KIAA1671: variants seen among roughly 807,000 people sequenced by gnomAD.
KIAA1671 encodes uncharacterized protein KIAA1671.
Under a neutral mutation model 131.2 loss-of-function variants are expected in KIAA1671, and 52 were observed. The observed-to-expected ratio is 0.40, with a 90% CI of 0.32 to 0.50. KIAA1671 has a LOEUF of 0.50. KIAA1671 is among the 20% of genes least tolerant of loss of function. The probability of loss-of-function intolerance (pLI) is 0.73; values close to 1 mark genes in which losing one functional copy is unlikely to be tolerated. For missense variants in KIAA1671, 2,360 were observed against 2,364.2 expected (o/e 1.00, Z 0.04); for synonymous variants, 1,003 against 961.6 (o/e 1.04, Z -0.80).
At position 25,000,435 on chromosome 22, in the gene KIAA1671, C is replaced by T. The variant is rs1196793271; in HGVS notation, c.-207-25198C>T. Among the ~76,000 whole-genome samples, 9 of 102,156 alleles carry T rather than the reference C, an allele frequency of 8.8e-5. 1 individual carries two copies. In the East Asian group the frequency reaches 9.9e-4, roughly 11 times the overall value. The allele number at this position is 102,156 out of a possible 152,430, so 67.0% of individuals were successfully genotyped here. ...GTCTCGATCTCCTGACCTCGTGATC[C>T]GCCCGCCTCGGCCTCCCAAAGTGCT... On this transcript the variant is annotated intron_variant, in intron 1 of 12. Transcript: ENST00000358431.
intron 6 of KIAA1671, chr22:25,059,336 G>C (rs1259367131): frequency 6.6e-6 from 1 of 152,088 alleles, no homozygotes; most frequent in Non-Finnish European, 1.5e-5. Flanking sequence ...GTGTAGTGGT[G>C]GGTGCCTGTA....
chr22:25,181,302 C>A (rs1205593122), intron 9 of KIAA1671, among the ~76,000 whole-genome samples: 1 of 152,216 alleles, frequency 6.6e-6, no homozygotes, highest in African/African-American at 2.4e-5. Context: ...TTCCACAAGA[C>A]ACATGAAGCT....
At chr22:25,029,725 C>T (rs1262557890) in intron 3 of KIAA1671, among the ~76,000 whole-genome samples, 185 bp downstream of exon 3, 1 of 152,266 alleles carries the variant, frequency 6.6e-6, no homozygotes, top group Non-Finnish European at 1.5e-5. Context: ...GTGCAGCTCT[C>T]CTCTGGGTAT....
At chr22:25,120,191 G>A (rs552138432) in intron 6 of KIAA1671, among the ~76,000 whole-genome samples, 3 of 152,278 alleles carry the variant, frequency 2.0e-5, no homozygotes, top group South Asian at 2.1e-4. Flanking sequence ...CACCTGCTAC[G>A]TCATGTCTAG....
At chr22:25,020,965 A>G (rs1925635907) in intron 1 of KIAA1671, among the ~76,000 whole-genome samples, 2 of 152,150 alleles carry the variant, frequency 1.3e-5, no homozygotes, top group Admixed American at 6.5e-5. Flanking sequence ...AAGCAGGGGA[A>G]TGACATCCTG....
intron 1 of KIAA1671, among the ~76,000 whole-genome samples, chr22:25,022,378 C>G (rs909529086): frequency 3.3e-5 from 5 of 152,218 alleles, no homozygotes; most frequent in Non-Finnish European, 7.3e-5. Flanking sequence ...CTTCCCTTCT[C>G]TCTTGTGAGG....
chr22:25,032,968 T>G (rs1479036753), intron 4 of KIAA1671, among the ~76,000 whole-genome samples: 1 of 152,226 alleles, frequency 6.6e-6, no homozygotes, highest in African/African-American at 2.4e-5. Context: ...CTTTCTTATA[T>G]AGGAGTGCCT....
intron 8 of KIAA1671, chr22:25,175,276 A>G (rs924427711): frequency 1.3e-5 from 2 of 152,212 alleles, no homozygotes; most frequent in African/African-American, 4.8e-5. Flanking sequence ...TGGGGGATGG[A>G]ACATCTGCAA....
chr22:25,036,362 G>T (rs915186308), intron 4 of KIAA1671, among the ~76,000 whole-genome samples: 459 of 152,068 alleles, frequency 3.0e-3, no homozygotes, highest in African/African-American at 0.01. Flanking sequence ...TTGCAGGCAT[G>T]AGCTACCGTA....
chr22:25,120,597 G>A (rs1931884798), intron 6 of KIAA1671, among the ~76,000 whole-genome samples: 1 of 152,146 alleles, frequency 6.6e-6, no homozygotes, highest in Non-Finnish European at 1.5e-5. Context: ...AATACGGTGT[G>A]CTCAATGTAT....
intron 2 of KIAA1671, among the ~76,000 whole-genome samples, chr22:25,026,667 T>G (rs1308149067): frequency 6.6e-6 from 1 of 151,948 alleles, no homozygotes; most frequent in East Asian, 1.9e-4. Context: ...GAGGCAGAAG[T>G]TGCTGTGAGC....
chr22:25,002,719 T>G (rs1193662461), intron 1 of KIAA1671, among the ~76,000 whole-genome samples: 4 of 152,026 alleles, frequency 2.6e-5, no homozygotes, highest in Admixed American at 6.6e-5. Context: ...GAGAAACACT[T>G]GGATGCTGTG....
intron 6 of KIAA1671, among the ~76,000 whole-genome samples, chr22:25,141,675 T>C (rs1415906887): frequency 6.6e-6 from 1 of 152,202 alleles, no homozygotes; most frequent in African/African-American, 2.4e-5. Flanking sequence ...ATATCTCTTT[T>C]CTAACTACCC....
rs983462375 is a variant in KIAA1671, at chr22:25,035,923, A to G, written c.1630-2837A>G. Among the ~76,000 whole-genome samples the G allele has an allele frequency of 3.3e-5, 5 of 152,294 alleles. No homozygotes were observed. In the South Asian group the frequency reaches 1.0e-3, roughly 32 times the overall value. On this transcript the variant is annotated intron_variant, in intron 4 of 12. Transcript: ENST00000358431. ...TTTATTGTAGTAAAATACACATAACAGGCTGGATGTGGTGGCTCATGCCTA... is the reference window on the plus strand; with the variant it reads ...TTTATTGTAGTAAAATACACATAACGGGCTGGATGTGGTGGCTCATGCCTA...
At chr22:25,077,941 G>C (rs715495) in intron 6 of KIAA1671, among the ~76,000 whole-genome samples, 73,791 of 152,082 alleles carry the variant, frequency 0.49, 18,571 homozygotes, top group African/African-American at 0.61. Context: ...TATCCTCTTT[G>C]ACGCTAAGTG....
chr22:25,045,517 T>C (rs1170613429), intron 5 of KIAA1671, among the ~76,000 whole-genome samples: 1 of 152,228 alleles, frequency 6.6e-6, no homozygotes, highest in Non-Finnish European at 1.5e-5. Flanking sequence ...TAAAGGTAAA[T>C]GCATAGACTT....
In KIAA1671 at chr22:25,185,137, A is replaced by T. The variant is rs183802178; in HGVS notation, c.5342+18A>T. ...GATGAGAGGTGAGGGGTCTTGGGGA[A>T]TGGGGGTCCCTCTCCTTCCAAACTC... On this transcript the variant is annotated intron_variant, in intron 11 of 12. Coordinates refer to ENST00000358431, the MANE Select transcript of KIAA1671 (RefSeq NM_001145206.2). The T allele has an allele frequency of 1.2e-5, 19 of 1,532,908 alleles. No homozygotes were observed. The highest frequency in any genetic ancestry group is 1.6e-5 in the Non-Finnish European group (18 of 1,137,378). The allele number at this position is 1,532,908 out of a possible 1,614,324, so 95.0% of individuals were successfully genotyped here. A position where few individuals can be genotyped will look rare whatever the true frequency, so the allele number is the denominator to read the frequency against.
At chr22:24,956,376 T>C (rs9620468) in intron 1 of KIAA1671, among the ~76,000 whole-genome samples, 114 of 152,340 alleles carry the variant, frequency 7.5e-4, no homozygotes, top group African/African-American at 2.7e-3. Context: ...ATTTCACTGA[T>C]GCAGGCCTCT....
intron 6 of KIAA1671, chr22:25,054,225 T>C (rs1927716822): frequency 6.7e-6 from 1 of 148,678 alleles, no homozygotes; most frequent in African/African-American, 2.5e-5. Context: ...CACTCCAGCG[T>C]GGGTAACAGA....
Sources: allele counts gnomAD v4.1 joint callset (sites outside exome capture counted in the v4.1 genomes callset), GRCh38; gene constraint gnomAD v4.1.1; transcripts MANE v1.5; gene names NCBI Gene and HGNC (gene_info 2026-07-23, HGNC 2026-07-21).